Variants in ANKS1B observed in about 807,000 individuals in gnomAD.
ANKS1B encodes ankyrin repeat and sterile alpha motif domain containing 1B, also known as ankyrin repeat and sterile alpha motif domain-containing protein 1B.
In ANKS1B, 36 loss-of-function variants were observed where a neutral mutation model predicts 148.3. The ratio of observed to expected loss-of-function variants is 0.24; its 90% confidence interval spans 0.19 to 0.32. The LOEUF (loss-of-function observed/expected upper bound fraction) is 0.32. Ranked by LOEUF, ANKS1B falls within the 10% of genes least tolerant of loss-of-function variation. The probability of loss-of-function intolerance (pLI) is 1.00; values close to 1 mark genes in which losing one functional copy is unlikely to be tolerated. For missense variants in ANKS1B, 1,157 were observed against 1,542.6 expected (o/e 0.75, Z 4.19); for synonymous variants, 542 against 560.8 (o/e 0.97, Z 0.47).
At chr12:99,605,180 C>T (rs1597958793) in intron 9 of ANKS1B, among the ~76,000 whole-genome samples, 2 of 152,110 alleles carry the variant, frequency 1.3e-5, no homozygotes, top group East Asian at 3.9e-4. Context: ...GACCACACAA[C>T]ATTTTCATAA....
At chr12:99,465,743 C>T (rs2096093873) in intron 10 of ANKS1B, among the ~76,000 whole-genome samples, 1 of 152,180 alleles carries the variant, frequency 6.6e-6, no homozygotes, top group Non-Finnish European at 1.5e-5. Flanking sequence ...GAAGAGCTAA[C>T]TATCCTAAAT....
At chr12:99,604,751 G>A (rs979059862) in intron 9 of ANKS1B, among the ~76,000 whole-genome samples, 2 of 148,974 alleles carry the variant, frequency 1.3e-5, no homozygotes, top group East Asian at 2.0e-4. Flanking sequence ...GGAGGTGGAG[G>A]TTGCAGTGAG....
chr12:99,192,177 C>T (rs7302307), intron 14 of ANKS1B, among the ~76,000 whole-genome samples: 2 of 131,820 alleles, frequency 1.5e-5, no homozygotes, highest in South Asian at 5.3e-4. Flanking sequence ...GTGATCATAA[C>T]AGAGGTAGGT....
At chr12:99,914,564 T>C (rs2094111083) in intron 1 of ANKS1B, among the ~76,000 whole-genome samples, 1 of 152,090 alleles carries the variant, frequency 6.6e-6, no homozygotes, top group Admixed American at 6.5e-5. Context: ...ATGAACCTTA[T>C]CTCTGGCACT....
intron 9 of ANKS1B, among the ~76,000 whole-genome samples, chr12:99,553,974 T>G (rs994837153): frequency 2.6e-4 from 40 of 152,180 alleles, no homozygotes; most frequent in African/African-American, 9.4e-4. Flanking sequence ...GAAACATTTT[T>G]TATGGTGGGG....
chr12:99,165,097 A>G (rs908232391), intron 14 of ANKS1B, among the ~76,000 whole-genome samples: 2 of 152,026 alleles, frequency 1.3e-5, no homozygotes, highest in African/African-American at 4.8e-5. Flanking sequence ...TTGGAGATAA[A>G]TGTATAGCAC....
intron 12 of ANKS1B, among the ~76,000 whole-genome samples, chr12:99,300,904 G>A (rs181167371): frequency 5.6e-4 from 85 of 152,284 alleles, no homozygotes; most frequent in African/African-American, 1.9e-3. Context: ...GCTATATAGA[G>A]ATATAAAAGA....
At chr12:99,006,593 C>T (rs552258282) in intron 17 of ANKS1B, among the ~76,000 whole-genome samples, 1 of 152,308 alleles carries the variant, frequency 6.6e-6, no homozygotes, top group East Asian at 1.9e-4. Context: ...AGACTCAGGA[C>T]CCTTTCCCTC....
rs72119352 is a variant in ANKS1B at position 99,102,413 on chromosome 12, TTTCTTCTTC to T, written c.2527-17399_2527-17391del. On this transcript the variant is annotated intron_variant, in intron 15 of 26. Coordinates refer to ENST00000683438, the MANE Select transcript of ANKS1B (RefSeq NM_001352186.2). Reference sequence around the variant, plus strand: ...ACAGGATCACAGGAAGTTGCTTTATTTTCTTCTTCTTCTTCTTCTTCTTTTTTTCACTCG... The same window carrying T: ...ACAGGATCACAGGAAGTTGCTTTATTTTCTTCTTCTTCTTTTTTTCACTCG... 1.2e-3 allele frequency among the ~76,000 whole-genome samples: 176 copies of T among 151,214 alleles called. 1 individual carries two copies. The highest frequency in any genetic ancestry group is 4.0e-3 in the African/African-American group (164 of 41,216).
chr12:99,797,945 G>A (rs778276255), intron 4 of ANKS1B, among the ~76,000 whole-genome samples: 1 of 151,880 alleles, frequency 6.6e-6, no homozygotes, highest in African/African-American at 2.4e-5. Flanking sequence ...GACTTCCATG[G>A]AAGCTCAGTT....
intron 12 of ANKS1B, among the ~76,000 whole-genome samples, chr12:99,323,944 T>C (rs764305512): frequency 6.6e-6 from 1 of 152,196 alleles, no homozygotes; most frequent in Non-Finnish European, 1.5e-5. Context: ...TCTCATTTGT[T>C]TTTTGAGGGC....
chr12:98,750,138 G>A (rs1223711551), intron 26 of ANKS1B, among the ~76,000 whole-genome samples: 2 of 152,178 alleles, frequency 1.3e-5, no homozygotes, highest in African/African-American at 4.8e-5. Context: ...TCTGGAATTG[G>A]GGGGTGCCCA....
At chr12:99,902,044 C>A (rs2093617837) in intron 1 of ANKS1B, among the ~76,000 whole-genome samples, 1 of 152,116 alleles carries the variant, frequency 6.6e-6, no homozygotes, top group Non-Finnish European at 1.5e-5. Context: ...TCAGATATGG[C>A]AGTAAACAAC....
intron 6 of ANKS1B, among the ~76,000 whole-genome samples, chr12:99,777,848 T>C (rs190935187): frequency 3.9e-3 from 592 of 151,408 alleles, no homozygotes; most frequent in Middle Eastern, 6.8e-3. Flanking sequence ...CCTCCCAAAG[T>C]GCTGGGATTA....
chr12:99,882,875 G>A (rs2153739695), intron 1 of ANKS1B, among the ~76,000 whole-genome samples: 1 of 152,236 alleles, frequency 6.6e-6, no homozygotes, highest in Middle Eastern at 3.4e-3. Context: ...AAAGCACTGA[G>A]AAAAAGGAAC....
downstream of ANKS1B, among the ~76,000 whole-genome samples, chr12:98,739,255 C>T (rs953480182): frequency 6.6e-6 from 1 of 152,180 alleles, no homozygotes; most frequent in Non-Finnish European, 1.5e-5. Flanking sequence ...TCACTTGCAT[C>T]AGGACAGATG....
intron 19 of ANKS1B, among the ~76,000 whole-genome samples, chr12:98,809,033 C>T (rs1348577570): frequency 6.6e-6 from 1 of 152,172 alleles, no homozygotes; most frequent in African/African-American, 2.4e-5. Context: ...CGCTCACCAG[C>T]AATTTAACAC....
rs576646799 is a variant in ANKS1B, at chr12:99,692,260, G to A, written c.1129-37050C>T. Among the ~76,000 whole-genome samples the A allele has an allele frequency of 2.3e-3, 229 of 98,682 alleles. 1 individual carries two copies. Among genetic ancestry groups the A allele is most frequent in the African/African-American group, 0.016 (224 of 14,338 alleles). The allele number at this position is 98,682 out of a possible 152,430, so 64.7% of individuals were successfully genotyped here. A position where few individuals can be genotyped will look rare whatever the true frequency, so the allele number is the denominator to read the frequency against. On this transcript the variant is annotated intron_variant, in intron 8 of 26. Transcript: ENST00000683438. ...AGTTAGAAGGCTGTTACAATAATCCGGTGAGAATTGAAGAAGGCTGGGATA... is the reference window on the plus strand; with the variant it reads ...AGTTAGAAGGCTGTTACAATAATCCAGTGAGAATTGAAGAAGGCTGGGATA...
At position 99,154,296 on chromosome 12, in the gene ANKS1B, T is replaced by C; in HGVS notation, c.2519A>G (p.Gln840Arg). Residue 840 changes from glutamine (Q) to arginine (R), a missense_variant, in exon 15 of 27, where the codon CAG becomes CGG. Physicochemically the swap from Gln to Arg is conservative, Grantham distance 43. This residue lies in a region of ANKS1B where 258 missense variants were observed against 497.0 expected (regional missense o/e 0.52). Coordinates refer to ENST00000683438, the MANE Select transcript of ANKS1B (RefSeq NM_001352186.2). ...HLMANGFDNVQFMGSNVMEDQ... is the reference protein window; with the variant it reads ...HLMANGFDNVRFMGSNVMEDQ... The stretch of plus-strand genomic sequence containing the variant: ...ACACAGAGAGCTTCTTACCATAAAC[T>C]GCACATTGTCAAATCCATTAGCCAT... 6.2e-7 allele frequency: 1 copy of C among 1,613,652 alleles called. No homozygotes were observed. Among genetic ancestry groups the C allele is most frequent in the South Asian group, 1.1e-5 (1 of 91,088 alleles).
Sources: gnomAD v4.1 joint callset for allele counts (sites outside exome capture counted in the v4.1 genomes callset) on GRCh38, gnomAD v4.1.1 for gene constraint, gnomAD v4.1.1 regional missense constraint, MANE v1.5 for transcripts, NCBI Gene and HGNC (gene_info 2026-07-23, HGNC 2026-07-21) for gene names.